The following KMT2D variants were observed in gnomAD, a reference collection of about 807,000 sequenced individuals.
The protein encoded by KMT2D is histone-lysine N-methyltransferase 2D.
KMT2D carries 55 observed loss-of-function variants against 512.7 expected under a neutral mutation model. The observed-to-expected ratio is 0.11, with a 90% CI of 0.09 to 0.13. The LOEUF (loss-of-function observed/expected upper bound fraction) is 0.13, where lower values mean the gene tolerates loss of function less well. KMT2D is among the 10% of genes least tolerant of loss of function. KMT2D has a pLI of 1.00. For missense variants in KMT2D, 6,061 were observed against 7,127.9 expected, an observed-to-expected ratio of 0.85 and a Z score of 5.39; for synonymous variants, 2,995 against 2,904.0, an observed-to-expected ratio of 1.03 and a Z score of -1.01.
rs1251044339 is a variant in KMT2D at position 49,053,772 on chromosome 12, G to A, written c.674-131C>T. On this transcript the variant is annotated intron_variant, in intron 6 of 54. Coordinates refer to ENST00000301067, the MANE Select transcript of KMT2D (RefSeq NM_003482.4). ...CAAAGTTACTGAGTGCCTGCCCAAC[G>A]TCTGCCAGCTACTGTTCTAGGCACT... The A allele has an allele frequency of 1.1e-5, 13 of 1,171,888 alleles. No homozygotes were observed. In the East Asian group the frequency reaches 1.3e-4, roughly 12 times the overall value. The allele number at this position is 1,171,888 out of a possible 1,614,324, so 72.6% of individuals were successfully genotyped here.
rs778257510 is a variant in KMT2D at position 49,038,060 on chromosome 12, C to T, written c.9296G>A (p.Arg3099His). 1.9e-4 allele frequency: 299 copies of T among 1,612,446 alleles called. 1 individual carries two copies. The South Asian group carries it at 2.6e-3, about 14-fold the overall frequency. Residue 3099 changes from arginine to histidine, a missense_variant, in exon 35 of 55, where the codon CGC becomes CAC. Transcript: ENST00000301067. The surrounding 1 kb of genome is among the most constrained non-coding windows in gnomAD (Gnocchi z 5.7). Reference protein sequence around the residue: ...VEPGPLGPEERPPPAADASEP... With the variant: ...VEPGPLGPEEHPPPAADASEP... ...AGAGGCATCAGCAGCAGGGGGAGGG[C>T]GCTCCTCAGGGCCCAAGGGTCCTGG...
In KMT2D at chr12:49,019,107, C is replaced by G. The variant is rs1373220023; in HGVS notation, c.*2673G>C. ...GAATGATCGCTGATACAAAACATGCCAAGGACAGGGGCGCTGAGGGTGGAG... is the reference window on the plus strand; with the variant it reads ...GAATGATCGCTGATACAAAACATGCGAAGGACAGGGGCGCTGAGGGTGGAG... On this transcript the variant is annotated 3_prime_UTR_variant, in exon 55 of 55. Coordinates refer to ENST00000301067, the MANE Select transcript of KMT2D (RefSeq NM_003482.4). The G allele has an allele frequency of 2.6e-5, 31 of 1,185,774 alleles. No homozygotes were observed. Among genetic ancestry groups the G allele is most frequent in the Non-Finnish European group, 3.0e-5 (29 of 952,874 alleles). 73.5% of individuals were successfully genotyped at this position (1,185,774 alleles called of 1,614,324 possible).
rs1443728446 is a variant in KMT2D at position 49,033,024 on chromosome 12, A to G, written c.11681T>C (p.Met3894Thr). The G allele has an allele frequency of 6.4e-7, 1 of 1,551,298 alleles. No homozygotes were observed. Among genetic ancestry groups the G allele is most frequent in the Admixed American group, 2.0e-5 (1 of 50,978 alleles). ...CTGCTGAAGCTGCTGTAAAGAGCCC[A>G]TGGGCTGAGCGCTCAGTTTGGGCTG... ...SGQPKLSAQP[M>T]GSLQQLQQQQ... is the part of the protein sequence containing the mutation. The change falls in exon 40 of 55, where the codon ATG (methionine) becomes ACG (threonine). Residue 3894 changes from methionine (M) to threonine (T), a missense_variant. Met to Thr is a moderately conservative substitution (Grantham distance 81). Transcript: ENST00000301067.
Position 49,033,277 on chromosome 12 carries a change from A to G in KMT2D, c.11428T>C (p.Leu3810=). The G allele has an allele frequency of 1.3e-6, 2 of 1,571,524 alleles. No individual in the cohort carries two copies. Among genetic ancestry groups the G allele is most frequent in the Non-Finnish European group, 1.7e-6 (2 of 1,158,328 alleles). Residue 3810 remains leucine (L), a synonymous_variant, in exon 40 of 55, where the codon TTG becomes CTG. Transcript: ENST00000301067. ...AAAGCTCCAGGGTGCTGCTGCTGCA[A>G]CACAGCCACCTGGGCAGGGCCCAGC... ...GMLGPAQVAV[L]QQQHPGALGP...
rs1219569798 is a variant in KMT2D, at chr12:49,037,624, C to T, written c.9732G>A (p.Glu3244=). The change falls in exon 35 of 55, where the codon GAG becomes GAA. Residue 3244 remains glutamate, a synonymous_variant. Coordinates refer to ENST00000301067, the MANE Select transcript of KMT2D (RefSeq NM_003482.4). ...ACAGGTCCTCAATGAGCAGGGGTAA[C>T]TCGCTGGCTACCAGTGAGCTCTCCA... is the stretch of plus-strand genomic sequence containing the variant. The part of the protein sequence containing the change: ...DKMESSLVAS[E]LPLLIEDLLE... The T allele has an allele frequency of 6.4e-7, 1 of 1,564,230 alleles. No individual in the cohort carries two copies. The highest frequency in any genetic ancestry group is 1.4e-5 in the African/African-American group (1 of 73,712).
In KMT2D at chr12:49,032,639, C is replaced by G. The variant is rs768920850; in HGVS notation, c.12066G>C (p.Thr4022=). The G allele has an allele frequency of 6.2e-7, 1 of 1,613,892 alleles. No homozygotes were observed. Among genetic ancestry groups the G allele is most frequent in the South Asian group, 1.1e-5 (1 of 91,064 alleles). Residue 4022 remains threonine (T), a synonymous_variant, in exon 40 of 55, where the codon ACG becomes ACC. Coordinates refer to ENST00000301067, the MANE Select transcript of KMT2D (RefSeq NM_003482.4). ...GGTCTACGGTGTTTTGTTCCTTGCC[C>G]GTCAGGAGGAGGGTTGGACCCAGGG... is the stretch of plus-strand genomic sequence containing the variant. The part of the protein sequence containing the change: ...PGALGPTLLL[T]GKEQNTVDPA...
rs1943672298 is a variant in KMT2D at position 49,044,120 on chromosome 12, T to C, written c.5188+80A>G. The stretch of plus-strand genomic sequence containing the variant: ...CTGGGTCTACCACCCTCTTGGCCCT[T>C]TCAATGAGTCCACCCCCTGGGTCTC... On this transcript the variant is annotated intron_variant, in intron 22 of 54. Transcript: ENST00000301067. This position sits in a 1 kb window ranked among gnomAD's most constrained non-coding sequence, Gnocchi z 6.4. 6.3e-7 allele frequency: 1 copy of C among 1,585,890 alleles called. No individual in the cohort carries two copies. Among genetic ancestry groups the C allele is most frequent in the African/African-American group, 1.3e-5 (1 of 74,360 alleles).
At chr12:49,043,463 T>G in intron 24 of KMT2D, 35 bp from the exon 25 acceptor site, 1 of 1,609,954 alleles carries the variant, frequency 6.2e-7, no homozygotes, top group Non-Finnish European at 8.5e-7. Context: ...ATCAGAGATG[T>G]CCTACATCTG....
intron 15 of KMT2D, 33 bp downstream of exon 15, chr12:49,047,932 C>CCCCA: frequency 6.8e-7 from 1 of 1,462,550 alleles, no homozygotes; most frequent in Non-Finnish European, 9.6e-7. Context: ...TGACCCTATT[C>CCCCA]CCCAGCCTAC....
rs148143899 is a variant in KMT2D at position 49,037,255 on chromosome 12, C to A, written c.10101G>T (p.Leu3367Phe). 6.2e-7 allele frequency: 1 copy of A among 1,613,682 alleles called. No individual in the cohort carries two copies. The change falls in exon 35 of 55, where the codon TTG becomes TTT. Residue 3367 changes from leucine to phenylalanine, a missense_variant. Around this residue, in one of 16 missense-constraint regions of KMT2D, gnomAD observed 533 missense variants for 539.6 expected, o/e 0.99. Coordinates refer to ENST00000301067, the MANE Select transcript of KMT2D (RefSeq NM_003482.4). ...CTGGCTGTGAGCTCTGCTGGGGTACCAAGCCTGCCTGCCCTCCATGCTGCC... is the reference window on the plus strand; with the variant it reads ...CTGGCTGTGAGCTCTGCTGGGGTACAAAGCCTGCCTGCCCTCCATGCTGCC... ...LSGQHGGQAG[L>F]VPQQSSQPVL...
rs1319209672 is a variant in KMT2D at position 49,050,079 on chromosome 12, G to T, written c.3509C>A (p.Pro1170His). 2 of 1,613,630 alleles carry T rather than the reference G, an allele frequency of 1.2e-6. No homozygotes were observed. Among genetic ancestry groups the T allele is most frequent in the Non-Finnish European group, 1.7e-6 (2 of 1,179,898 alleles). ...LAPVTPMEVY[P>H]ECKQTAGQGS... ...CTGCCCTGCTGTCTGCTTGCATTCGGGGTAGACCTCCATAGGGGTCACAGG... is the reference window on the plus strand; with the variant it reads ...CTGCCCTGCTGTCTGCTTGCATTCGTGGTAGACCTCCATAGGGGTCACAGG... The change falls in exon 12 of 55, where the codon CCC becomes CAC. Residue 1170 changes from proline to histidine, a missense_variant. Physicochemically the swap from Pro to His is moderately conservative, Grantham distance 77. This residue lies in a region of KMT2D where 447 missense variants were observed against 500.1 expected (regional missense o/e 0.89). Transcript: ENST00000301067.
rs1943463216 is a variant in KMT2D at position 49,040,564 on chromosome 12, T to C, written c.7206A>G (p.Ser2402=). Residue 2402 remains serine (S), a synonymous_variant, in exon 32 of 55, where the codon TCA becomes TCG. Coordinates refer to ENST00000301067, the MANE Select transcript of KMT2D (RefSeq NM_003482.4). ...CTCGGGAGAAAGGGTCGGAGGGCAGTGAGCGAGGGGGCAGAGCACAGCAGC... is the reference window on the plus strand; with the variant it reads ...CTCGGGAGAAAGGGTCGGAGGGCAGCGAGCGAGGGGGCAGAGCACAGCAGC... The part of the protein sequence containing the change: ...PESCCALPPR[S]LPSDPFSRVP... 6.2e-7 allele frequency: 1 copy of C among 1,610,452 alleles called. No individual in the cohort carries two copies. Among genetic ancestry groups the C allele is most frequent in the African/African-American group, 1.3e-5 (1 of 74,152 alleles).
chr12:49,024,751 G>T lies in KMT2D; in HGVS notation c.15922-43C>A, dbSNP rs2137710989. The T allele has an allele frequency of 6.2e-7, 1 of 1,607,824 alleles. No individual in the cohort carries two copies. The highest frequency in any genetic ancestry group is 1.3e-5 in the African/African-American group (1 of 74,812). ...ACTCACCTTAGCCTGAGTTTTTTTG[G>T]GGTTAGGCCAAAGTTCTCAGTGCCC... is the stretch of plus-strand genomic sequence containing the variant. On this transcript the variant is annotated intron_variant, in intron 50 of 54. Coordinates refer to ENST00000301067, the MANE Select transcript of KMT2D (RefSeq NM_003482.4). The surrounding 1 kb of genome is among the most constrained non-coding windows in gnomAD (Gnocchi z 4.5).
At position 49,040,719 on chromosome 12, in the gene KMT2D, C is replaced by T. The variant is rs2120533280; in HGVS notation, c.7051G>A (p.Glu2351Lys). ...QSPGLGLRPQ[E>K]PPPAQALAPS... Reference sequence around the variant, plus strand: ...GCCAAAGCCTGGGCAGGGGGTGGCTCCTGGGGCCTTAGGCCCAAGCCCGGG... The same window carrying T: ...GCCAAAGCCTGGGCAGGGGGTGGCTTCTGGGGCCTTAGGCCCAAGCCCGGG... The change falls in exon 32 of 55, where the codon GAG (glutamate) becomes AAG (lysine). Residue 2351 changes from glutamate (E) to lysine (K), a missense_variant. Around this residue, in one of 16 missense-constraint regions of KMT2D, gnomAD observed 710 missense variants for 647.3 expected, o/e 1.10. Coordinates refer to ENST00000301067, the MANE Select transcript of KMT2D (RefSeq NM_003482.4). 2 of 1,613,634 alleles carry T rather than the reference C, an allele frequency of 1.2e-6. No individual in the cohort carries two copies. The highest frequency in any genetic ancestry group is 1.7e-6 in the Non-Finnish European group (2 of 1,179,752).
rs762461790 is a variant in KMT2D at position 49,051,244 on chromosome 12, C to T, written c.2439G>A (p.Pro813=). The T allele has an allele frequency of 5.9e-6, 9 of 1,514,268 alleles. No homozygotes were observed. The highest frequency in any genetic ancestry group is 2.3e-5 in the East Asian group (1 of 43,718). The allele number at this position is 1,514,268 out of a possible 1,614,324, so 93.8% of individuals were successfully genotyped here. ...GCTCCTCAGGCACAGGAGACAGGTG[C>T]GGCTCCTCAGTCTGGGGGGACAGGT... is the stretch of plus-strand genomic sequence containing the variant. ...ELHLSPQTEE[P]HLSPVPEEPC... is the part of the protein sequence containing the mutation. Residue 813 remains proline, a synonymous_variant, in exon 11 of 55, where the codon CCG becomes CCA. Transcript: ENST00000301067.
Position 49,044,027 on chromosome 12 carries a change from G to T in KMT2D, c.5189-29C>A, listed in dbSNP as rs752335156. ...TGGACAGAACGGAAGTGTCAGACTCGGGTTGAGAGCATGCTGCTCCCAACT... is the reference window on the plus strand; with the variant it reads ...TGGACAGAACGGAAGTGTCAGACTCTGGTTGAGAGCATGCTGCTCCCAACT... On this transcript the variant is annotated intron_variant, in intron 22 of 54. Transcript: ENST00000301067. This position sits in a 1 kb window ranked among gnomAD's most constrained non-coding sequence, Gnocchi z 6.4. The T allele has an allele frequency of 1.9e-6, 3 of 1,612,258 alleles. No individual in the cohort carries two copies. Among genetic ancestry groups the T allele is most frequent in the Non-Finnish European group, 2.5e-6 (3 of 1,178,738 alleles).
In KMT2D at chr12:49,059,602, A is replaced by C; in HGVS notation, c.-38+11T>G. 1 of 150,204 alleles carries C rather than the reference A, an allele frequency of 6.7e-6. No individual in the cohort carries two copies. Among genetic ancestry groups the C allele is most frequent in the Non-Finnish European group, 1.5e-5 (1 of 67,552 alleles). The allele number at this position is 150,204 out of a possible 1,614,324, so 9.3% of individuals were successfully genotyped here. A position where few individuals can be genotyped will look rare whatever the true frequency, so the allele number is the denominator to read the frequency against. On this transcript the variant is annotated intron_variant, in intron 1 of 54. Coordinates refer to ENST00000301067, the MANE Select transcript of KMT2D (RefSeq NM_003482.4). ...CCCTTTCTGGGCCCTGGCCGGGCGG[A>C]CTTCACTCACCTCTTCACAGGGCGA...
Position 49,048,748 on chromosome 12 carries a change from G to T in KMT2D, c.4042C>A (p.Pro1348Thr), listed in dbSNP as rs1427544026. Reference protein sequence around the residue: ...TLVVADIDSSPSKEEEEEDDD... With the variant: ...TLVVADIDSSTSKEEEEEDDD... ...TCTTCTTCCTCCTCCTCCTTACTGG[G>T]AGAGCTATCAATGTCAGCAACCTGA... Residue 1348 changes from proline (P) to threonine (T), a missense_variant, in exon 14 of 55, where the codon CCC (proline) becomes ACC (threonine). Around this residue, in one of 16 missense-constraint regions of KMT2D, gnomAD observed 447 missense variants for 500.1 expected, o/e 0.89. Transcript: ENST00000301067. The T allele has an allele frequency of 6.2e-7, 1 of 1,609,652 alleles. No homozygotes were observed. The highest frequency in any genetic ancestry group is 8.5e-7 in the Non-Finnish European group (1 of 1,177,114).
rs1938706686 is a variant in KMT2D at position 49,060,741 on chromosome 12, G to A, written c.-1166C>T. Among the ~76,000 whole-genome samples, 3 of 152,266 alleles carry A rather than the reference G, an allele frequency of 2.0e-5. No individual in the cohort carries two copies. The highest frequency in any genetic ancestry group is 6.5e-5 in the Admixed American group (1 of 15,292). ...GCCTTTTGCCCGGGGCACCCCACTCGAGAGGGGGAGAAAGGAGAAGAGGCG... is the reference window on the plus strand; with the variant it reads ...GCCTTTTGCCCGGGGCACCCCACTCAAGAGGGGGAGAAAGGAGAAGAGGCG... On this transcript the variant is annotated 5_prime_UTR_variant, in exon 1 of 55. Coordinates refer to ENST00000301067, the MANE Select transcript of KMT2D (RefSeq NM_003482.4).
Sources: gnomAD v4.1 joint callset for allele counts (sites outside exome capture counted in the v4.1 genomes callset) on GRCh38, gnomAD v4.1.1 for gene constraint, gnomAD v4.1.1 regional missense constraint, Gnocchi (gnomAD v3.1) non-coding constraint, MANE v1.5 for transcripts, NCBI Gene and HGNC (gene_info 2026-07-23, HGNC 2026-07-21) for gene names.